Variants in ACTR10 observed in about 807,000 individuals in gnomAD.
ACTR10 encodes actin related protein 10, also known as actin-related protein 10.
In ACTR10, 43 loss-of-function variants were observed where a neutral mutation model predicts 56.2. The observed-to-expected ratio is 0.77, with a 90% CI of 0.60 to 0.99. ACTR10 has a LOEUF of 0.99. ACTR10 is among the 50% of genes least tolerant of loss of function. ACTR10 has a pLI of 0.00. For synonymous variants in ACTR10, 170 were observed against 176.3 expected, an observed-to-expected ratio of 0.96 and a Z score of 0.28; for missense variants, 466 against 507.8, an observed-to-expected ratio of 0.92 and a Z score of 0.79.
chr14:58,227,740 C>T (rs1169668540), intron 10 of ACTR10, among the ~76,000 whole-genome samples: 1 of 152,120 alleles, frequency 6.6e-6, no homozygotes, highest in African/African-American at 2.4e-5. Flanking sequence ...TAGATTGAGT[C>T]TCATGAAGAG....
rs931000437 is a variant in ACTR10 at position 58,219,818 on chromosome 14, A to G, written c.634+89A>G. 6.6e-5 allele frequency: 51 copies of G among 770,508 alleles called. No homozygotes were observed. The African/African-American group carries it at 6.8e-4, about 10-fold the overall frequency. 47.7% of individuals were successfully genotyped at this position (770,508 alleles called of 1,614,324 possible). On this transcript the variant is annotated intron_variant, in intron 8 of 12. Transcript: ENST00000254286. ...CTAAACATTTACACAGATAGAAAAT[A>G]TATTCATAATGTAATATCCTAAAAG...
intron 12 of ACTR10, among the ~76,000 whole-genome samples, chr14:58,232,762 C>T (rs1273892717): frequency 6.6e-6 from 1 of 151,864 alleles, no homozygotes; most frequent in Non-Finnish European, 1.5e-5. Flanking sequence ...ACCTATTTCT[C>T]TTGGCATTTG....
Position 58,215,276 on chromosome 14 carries a change from C to T in ACTR10, c.590C>T (p.Ser197Leu). The T allele has an allele frequency of 6.2e-7, 1 of 1,605,758 alleles. No homozygotes were observed. Among genetic ancestry groups the T allele is most frequent in the Non-Finnish European group, 8.5e-7 (1 of 1,173,900 alleles). ...GTTGCTAAAGAACAGAGCCTTCCCT[C>T]AGTGATGGGTAAATTCATTTTAAGT... ...TSVAKEQSLP[S>L]VMGSVPEGVL... Residue 197 changes from serine to leucine, a missense_variant, in exon 7 of 13, where the codon TCA becomes TTA. Transcript: ENST00000254286.
chr14:58,202,031 A>G (rs528307547), intron 1 of ACTR10, among the ~76,000 whole-genome samples: 166 of 152,056 alleles, frequency 1.1e-3, no homozygotes, highest in African/African-American at 3.5e-3. Context: ...AGTGATAGCA[A>G]TGAAGATTAT....
chr14:58,202,949 C>T (rs1181885861), intron 2 of ACTR10, 22 bp downstream of exon 2: 1 of 1,395,598 alleles, frequency 7.2e-7, no homozygotes, highest in South Asian at 1.2e-5. Context: ...AAAATATTAG[C>T]AAAATAAATG....
chr14:58,223,225 C>T (rs1255826960), intron 8 of ACTR10, among the ~76,000 whole-genome samples: 1 of 152,148 alleles, frequency 6.6e-6, no homozygotes, highest in Non-Finnish European at 1.5e-5. Context: ...CAACCTCCAC[C>T]TCCCGGGTTC....
chr14:58,230,573 CAT>C (rs1889506799), intron 11 of ACTR10, 93 bp downstream of exon 11: 2 of 518,570 alleles, frequency 3.9e-6, no homozygotes, highest in African/African-American at 2.0e-5. Context: ...ATCCTTGTCA[CAT>C]ATTATTTTTA....
At chr14:58,217,719 C>T (rs1889167767) in intron 7 of ACTR10, among the ~76,000 whole-genome samples, 1 of 151,518 alleles carries the variant, frequency 6.6e-6, no homozygotes, top group Non-Finnish European at 1.5e-5. Flanking sequence ...GTCTCTTTTC[C>T]AGGTTCTTAG....
chr14:58,212,658 G>A (rs996637518), intron 5 of ACTR10, among the ~76,000 whole-genome samples: 1 of 152,132 alleles, frequency 6.6e-6, no homozygotes, highest in Admixed American at 6.6e-5. Context: ...CAGTTGGGAT[G>A]GGTAGTTGAC....
chr14:58,200,340 G>A, intron 1 of ACTR10, 46 bp downstream of exon 1: 2 of 1,444,300 alleles, frequency 1.4e-6, no homozygotes, highest in Non-Finnish European at 1.8e-6. Flanking sequence ...GGGGAGGGCG[G>A]GTGGCAGAGC....
chr14:58,227,750 G>C lies in ACTR10; in HGVS notation c.789-2649G>C, dbSNP rs997896076. Among the ~76,000 whole-genome samples, 4 of 152,074 alleles carry C rather than the reference G, an allele frequency of 2.6e-5. No homozygotes were observed. In the South Asian group the frequency reaches 8.3e-4, roughly 32 times the overall value. On this transcript the variant is annotated intron_variant, in intron 10 of 12. Coordinates refer to ENST00000254286, the MANE Select transcript of ACTR10 (RefSeq NM_018477.3). Reference sequence around the variant, plus strand: ...GCTAGTAGATTGAGTCTCATGAAGAGGATTTTATGTTTTGAAAAGGATTTT... The same window carrying C: ...GCTAGTAGATTGAGTCTCATGAAGACGATTTTATGTTTTGAAAAGGATTTT...
intron 10 of ACTR10, among the ~76,000 whole-genome samples, chr14:58,228,502 A>G (rs1889453584): frequency 6.6e-6 from 1 of 151,866 alleles, no homozygotes; most frequent in African/African-American, 2.4e-5. Flanking sequence ...CAGGCCTGTA[A>G]TCACACCTAC....
chr14:58,201,643 A>G (rs1190306716), intron 1 of ACTR10, among the ~76,000 whole-genome samples: 1 of 152,252 alleles, frequency 6.6e-6, no homozygotes, highest in Non-Finnish European at 1.5e-5. Flanking sequence ...CGTTTTTAGC[A>G]AATTTTTGTT....
At chr14:58,202,826 A>C in intron 1 of ACTR10, 29 bp from the exon 2 acceptor site, 1 of 1,472,046 alleles carries the variant, frequency 6.8e-7, no homozygotes, top group Non-Finnish European at 9.4e-7. Context: ...GAATACTATA[A>C]GTTGTTTCAA....
At position 58,228,496 on chromosome 14, in the gene ACTR10, C is replaced by T. The variant is rs543939817; in HGVS notation, c.789-1903C>T. The stretch of plus-strand genomic sequence containing the variant: ...AATTAGCTGGGCGTGGTGGCACAGG[C>T]CTGTAATCACACCTACTTGGGAGGC... On this transcript the variant is annotated intron_variant, in intron 10 of 12. Transcript: ENST00000254286. Among the ~76,000 whole-genome samples the T allele has an allele frequency of 2.6e-5, 4 of 152,024 alleles. No homozygotes were observed. The East Asian group carries it at 5.8e-4, about 22-fold the overall frequency.
intron 1 of ACTR10, among the ~76,000 whole-genome samples, chr14:58,202,608 C>T (rs533947524): frequency 7.9e-5 from 12 of 151,826 alleles, no homozygotes; most frequent in Non-Finnish European, 8.8e-5. Flanking sequence ...AAATGCTGCC[C>T]TAAAATAATA....
At chr14:58,221,143 C>T (rs939360607) in intron 8 of ACTR10, among the ~76,000 whole-genome samples, 15 of 151,714 alleles carry the variant, frequency 9.9e-5, no homozygotes, top group Admixed American at 1.3e-4. Flanking sequence ...ATTAGCTGGG[C>T]GTGGTGGCAC....
rs779761228 is a variant in ACTR10 at position 58,234,570 on chromosome 14, A to G, written c.*19A>G. On this transcript the variant is annotated 3_prime_UTR_variant, in exon 13 of 13. Transcript: ENST00000254286. The stretch of plus-strand genomic sequence containing the variant: ...GAAATAGAAGTTTGATTAAAAATCA[A>G]CCTTGCTTCATATCAAATATTTAAC... 4 of 1,596,060 alleles carry G rather than the reference A, an allele frequency of 2.5e-6. No individual in the cohort carries two copies. The highest frequency in any genetic ancestry group is 1.7e-4 in the Middle Eastern group (1 of 5,970).
intron 1 of ACTR10, among the ~76,000 whole-genome samples, chr14:58,202,465 T>C (rs1361399658): frequency 2.0e-5 from 3 of 150,338 alleles, no homozygotes; most frequent in East Asian, 3.9e-4. Context: ...GCACCTGTAG[T>C]CCCAGCTACT....
Sources: allele counts gnomAD v4.1 joint callset (sites outside exome capture counted in the v4.1 genomes callset), GRCh38; gene constraint gnomAD v4.1.1; transcripts MANE v1.5; gene names NCBI Gene and HGNC (gene_info 2026-07-23, HGNC 2026-07-21).